ZMIZ2: variants seen among roughly 807,000 people sequenced by gnomAD.
ZMIZ2 encodes the protein zinc finger MIZ domain-containing protein 2.
ZMIZ2 carries 26 observed loss-of-function variants against 93.9 expected under a neutral mutation model. The observed-to-expected ratio is 0.28, with a 90% CI of 0.20 to 0.38. The LOEUF is 0.38. Among genes scored for constraint, ZMIZ2 ranks in the 10% least tolerant of loss-of-function variants. The pLI is 1.00. For synonymous variants in ZMIZ2, 485 were observed against 516.4 expected, an observed-to-expected ratio of 0.94 and a Z score of 0.82; for missense variants, 1,023 against 1,235.0, an observed-to-expected ratio of 0.83 and a Z score of 2.57.
At chr7:44,751,497 G>A (rs546315437) in intron 1 of ZMIZ2, among the ~76,000 whole-genome samples, 4 of 152,308 alleles carry the variant, frequency 2.6e-5, no homozygotes, top group East Asian at 1.9e-4. Flanking sequence ...GACCACGGGC[G>A]GGGGAGGGGG....
chr7:44,765,516 G>T lies in ZMIZ2; in HGVS notation c.2179G>T (p.Ala727Ser). 1 of 1,594,680 alleles carries T rather than the reference G, an allele frequency of 6.3e-7. No homozygotes were observed. The highest frequency in any genetic ancestry group is 1.7e-5 in the Admixed American group (1 of 59,512). Residue 727 changes from alanine (A) to serine (S), a missense_variant, in exon 16 of 19, where the codon GCT (alanine) becomes TCT (serine). Transcript: ENST00000309315. This position sits in a 1 kb window ranked among gnomAD's most constrained non-coding sequence, Gnocchi z 4.1. ...MEMIAALGPG[A>S]APFAPLQPPS... ...GATGATCGCCGCCCTGGGCCCCGGCGCTGCCCCCTTTGCCCCCCTGCAGCC... is the reference window on the plus strand; with the variant it reads ...GATGATCGCCGCCCTGGGCCCCGGCTCTGCCCCCTTTGCCCCCCTGCAGCC...
chr7:44,751,035 AGAG>A (rs1790098372), intron 1 of ZMIZ2: 1 of 149,152 alleles, frequency 6.7e-6, no homozygotes, highest in Non-Finnish European at 1.5e-5. Context: ...CTGTCCTCAG[AGAG>A]GAGACCAGAG....
intron 1 of ZMIZ2, among the ~76,000 whole-genome samples, chr7:44,754,966 G>T (rs1012913678): frequency 5.3e-5 from 8 of 152,126 alleles, no homozygotes; most frequent in Non-Finnish European, 1.0e-4. Context: ...GGCCCTTCAG[G>T]GACACTCAGG....
In ZMIZ2 at chr7:44,766,133, C is replaced by T. The variant is rs188184720; in HGVS notation, c.2243-31C>T. On this transcript the variant is annotated intron_variant, in intron 16 of 18. Coordinates refer to ENST00000309315, the MANE Select transcript of ZMIZ2 (RefSeq NM_031449.4). This position sits in a 1 kb window ranked among gnomAD's most constrained non-coding sequence, Gnocchi z 4.4. ...TCTGCCAGCGGTGGCCTTCCCCAGC[C>T]CTCACCCAGGCCCCGACTCTCCTCT... 7,476 of 1,580,324 alleles carry T rather than the reference C, an allele frequency of 4.7e-3. 29 individuals carry two copies. The highest frequency in any genetic ancestry group is 5.2e-3 in the Non-Finnish European group (6,020 of 1,165,634).
In ZMIZ2 at chr7:44,766,156, T is replaced by C; in HGVS notation, c.2243-8T>C. 6.2e-7 allele frequency: 1 copy of C among 1,609,242 alleles called. No homozygotes were observed. Among genetic ancestry groups the C allele is most frequent in the South Asian group, 1.1e-5 (1 of 90,666 alleles). On this transcript the variant is annotated splice_polypyrimidine_tract_variant and splice_region_variant and intron_variant, in intron 16 of 18. Coordinates refer to ENST00000309315, the MANE Select transcript of ZMIZ2 (RefSeq NM_031449.4). This position sits in a 1 kb window ranked among gnomAD's most constrained non-coding sequence, Gnocchi z 4.4. The stretch of plus-strand genomic sequence containing the variant: ...GCCCTCACCCAGGCCCCGACTCTCC[T>C]CTCACAGGTTCCAGCTTCCTGGGGC...
chr7:44,762,775 C>G, intron 11 of ZMIZ2, 106 bp from the exon 12 acceptor site: 1 of 671,912 alleles, frequency 1.5e-6, no homozygotes, highest in Non-Finnish European at 2.2e-6. Flanking sequence ...CCTTGTCCCT[C>G]CCCCACCTGG....
chr7:44,763,133 T>G lies in ZMIZ2; in HGVS notation c.1703-123T>G. 6.7e-7 allele frequency: 1 copy of G among 1,483,072 alleles called. No individual in the cohort carries two copies. Among genetic ancestry groups the G allele is most frequent in the East Asian group, 2.3e-5 (1 of 43,886 alleles). The allele number at this position is 1,483,072 out of a possible 1,614,324, so 91.9% of individuals were successfully genotyped here. Reference sequence around the variant, plus strand: ...CTCTGCAGTAGGGGCAGTGGTTAGTTCCAGGTGGCCCCTCAGAGCTGTCAG... The same window carrying G: ...CTCTGCAGTAGGGGCAGTGGTTAGTGCCAGGTGGCCCCTCAGAGCTGTCAG... On this transcript the variant is annotated intron_variant, in intron 12 of 18. Transcript: ENST00000309315. This position sits in a 1 kb window ranked among gnomAD's most constrained non-coding sequence, Gnocchi z 5.6.
Position 44,757,091 on chromosome 7 carries a change from G to A in ZMIZ2, c.310G>A (p.Val104Met), listed in dbSNP as rs200494346. Residue 104 changes from valine (V) to methionine (M), a missense_variant, in exon 4 of 19, where the codon GTG becomes ATG. Val to Met is a conservative substitution (Grantham distance 21). This residue lies in a region of ZMIZ2 where 656 missense variants were observed against 777.1 expected (regional missense o/e 0.84). Coordinates refer to ENST00000309315, the MANE Select transcript of ZMIZ2 (RefSeq NM_031449.4). ...TGAAGGCGGCGCCAACAAGGGCTAC[G>A]TGCAGCAAGGCGTGTACAGCCGCGG... ...FAEGGANKGY[V>M]QQGVYSRGGY... The A allele has an allele frequency of 1.4e-5, 23 of 1,606,550 alleles. No individual in the cohort carries two copies. The highest frequency in any genetic ancestry group is 2.2e-5 in the East Asian group (1 of 44,830).
In ZMIZ2 at chr7:44,757,646, G is replaced by C. The variant is rs534687834; in HGVS notation, c.552+85G>C. ...ACTCAGCCAGACAGTGGGCTCCAGGGACAAGCATGGAATATGCCAGGGCTC... is the reference window on the plus strand; with the variant it reads ...ACTCAGCCAGACAGTGGGCTCCAGGCACAAGCATGGAATATGCCAGGGCTC... On this transcript the variant is annotated intron_variant, in intron 5 of 18. Transcript: ENST00000309315. The C allele has an allele frequency of 4.0e-6, 6 of 1,486,164 alleles. No homozygotes were observed. The African/African-American group carries it at 8.4e-5, about 21-fold the overall frequency. 92.1% of individuals were successfully genotyped at this position (1,486,164 alleles called of 1,614,324 possible). A position where few individuals can be genotyped will look rare whatever the true frequency, so the allele number is the denominator to read the frequency against.
chr7:44,759,552 A>C (rs1266148772), intron 7 of ZMIZ2, 92 bp downstream of exon 7: 2 of 1,115,878 alleles, frequency 1.8e-6, no homozygotes, highest in East Asian at 8.8e-5. Context: ...CGAGAGCGAC[A>C]GGGTGGCTAA....
chr7:44,759,968 C>A, intron 7 of ZMIZ2, 183 bp from the exon 8 acceptor site: 1 of 688,344 alleles, frequency 1.5e-6, no homozygotes, highest in Non-Finnish European at 2.4e-6. Flanking sequence ...TCAGCCCCTC[C>A]AACCTGTTTG....
At position 44,756,782 on chromosome 7, in the gene ZMIZ2, A is replaced by G. The variant is rs931208600; in HGVS notation, c.166-165A>G. ...CACCTAGCCTTCACAAAATGCCCCA[A>G]CCTCCCTGTGGACAGCTGCTTTCCC... is the stretch of plus-strand genomic sequence containing the variant. On this transcript the variant is annotated intron_variant, in intron 3 of 18. Transcript: ENST00000309315. 4.5e-5 allele frequency: 41 copies of G among 915,938 alleles called. 1 individual carries two copies. In the African/African-American group the frequency reaches 5.2e-4, roughly 12 times the overall value. 56.7% of individuals were successfully genotyped at this position (915,938 alleles called of 1,614,324 possible).
Position 44,763,709 on chromosome 7 carries a change from G to GT in ZMIZ2, c.1860+296_1860+297insT. 5.1e-6 allele frequency: 2 copies of GT among 388,404 alleles called. No homozygotes were observed. The highest frequency in any genetic ancestry group is 9.4e-6 in the Non-Finnish European group (2 of 213,444). 24.1% of individuals were successfully genotyped at this position (388,404 alleles called of 1,614,324 possible). A position where few individuals can be genotyped will look rare whatever the true frequency, so the allele number is the denominator to read the frequency against. On this transcript the variant is annotated intron_variant, in intron 13 of 18. Coordinates refer to ENST00000309315, the MANE Select transcript of ZMIZ2 (RefSeq NM_031449.4). This position sits in a 1 kb window ranked among gnomAD's most constrained non-coding sequence, Gnocchi z 5.6. ...TCCAGTCTTCCTGCCCTACCCCCAA[G>GT]GGTGACCATCGTTAGCATCTGTCTT...
chr7:44,755,613 ACTGCACTCCTGTGATCACCGCACCC>A (rs1387709037), intron 1 of ZMIZ2, among the ~76,000 whole-genome samples: 1 of 152,100 alleles, frequency 6.6e-6, no homozygotes, highest in Non-Finnish European at 1.5e-5. Flanking sequence ...TTGGTTGACC[ACTGCACTCCTGTGATCACCGCACCC>A]CTGCACTCTC....
chr7:44,764,086 T>C lies in ZMIZ2; in HGVS notation c.1861-333T>C, dbSNP rs888352725. On this transcript the variant is annotated intron_variant, in intron 13 of 18. Coordinates refer to ENST00000309315, the MANE Select transcript of ZMIZ2 (RefSeq NM_031449.4). ...CTGGGAGGCGGAGGTTGCAATGAGC[T>C]GAGATCGAGCCACTGCATTCCAGCC... Among the ~76,000 whole-genome samples, 5 of 152,092 alleles carry C rather than the reference T, an allele frequency of 3.3e-5. No individual in the cohort carries two copies. The South Asian group carries it at 1.0e-3, about 32-fold the overall frequency.
At chr7:44,750,766 T>C (rs1790071270) in intron 1 of ZMIZ2, among the ~76,000 whole-genome samples, 1 of 151,894 alleles carries the variant, frequency 6.6e-6, no homozygotes, top group African/African-American at 2.4e-5. Context: ...TAGACTGACC[T>C]TGTCCATCTC....
At position 44,760,564 on chromosome 7, in the gene ZMIZ2, A is replaced by G. The variant is rs1562737044; in HGVS notation, c.1211A>G (p.Asn404Ser). ...CCCTTCTTGCCTGATCTCAAGCCCAACCTCAACTCCTTGCACTCATCGCCC... is the reference window on the plus strand; with the variant it reads ...CCCTTCTTGCCTGATCTCAAGCCCAGCCTCAACTCCTTGCACTCATCGCCC... ...KSPFLPDLKP[N>S]LNSLHSSPSG... The change falls in exon 9 of 19, where the codon AAC (asparagine) becomes AGC (serine). Residue 404 changes from asparagine to serine, a missense_variant. Asn to Ser is a conservative substitution (Grantham distance 46, BLOSUM62 1). Around this residue, in one of 3 missense-constraint regions of ZMIZ2, gnomAD observed 656 missense variants for 777.1 expected, o/e 0.84. Coordinates refer to ENST00000309315, the MANE Select transcript of ZMIZ2 (RefSeq NM_031449.4). 1 of 1,613,820 alleles carries G rather than the reference A, an allele frequency of 6.2e-7. No individual in the cohort carries two copies. The highest frequency in any genetic ancestry group is 2.2e-5 in the East Asian group (1 of 44,854).
rs926302501 is a variant in ZMIZ2, at chr7:44,767,571, A to G, written c.2711A>G (p.Asp904Gly). ...CTACTGTCCTACTTGGGCCCACCCG[A>G]CCTCCCTACGAACAACAATGACGAC... ...DELLSYLGPPDLPTNNNDDLL... is the reference protein window; with the variant it reads ...DELLSYLGPPGLPTNNNDDLL... Residue 904 changes from aspartate (D) to glycine (G), a missense_variant, in exon 19 of 19, where the codon GAC becomes GGC. Asp to Gly is a moderately conservative substitution (Grantham distance 94, BLOSUM62 -1). This residue lies in a region of ZMIZ2 where 319 missense variants were observed against 358.8 expected (regional missense o/e 0.89). Transcript: ENST00000309315. The G allele has an allele frequency of 1.2e-6, 2 of 1,613,868 alleles. No individual in the cohort carries two copies. The highest frequency in any genetic ancestry group is 2.7e-5 in the African/African-American group (2 of 74,814).
intron 7 of ZMIZ2, 153 bp from the exon 8 acceptor site, chr7:44,759,998 A>C: frequency 1.3e-6 from 1 of 769,590 alleles, no homozygotes; most frequent in Non-Finnish European, 2.1e-6. Context: ...CTCTGTGGCT[A>C]TGATTGCTTT....
Sources: gnomAD v4.1 joint callset for allele counts (sites outside exome capture counted in the v4.1 genomes callset) on GRCh38, gnomAD v4.1.1 for gene constraint, gnomAD v4.1.1 regional missense constraint, Gnocchi (gnomAD v3.1) non-coding constraint, MANE v1.5 for transcripts, NCBI Gene and HGNC (gene_info 2026-07-23, HGNC 2026-07-21) for gene names.